The following GCNT1 variants were observed in gnomAD, a reference collection of about 807,000 sequenced individuals.
GCNT1 encodes glucosaminyl (N-acetyl) transferase 1, also known as beta-1,3-galactosyl-O-glycosyl-glycoprotein beta-1,6-N-acetylglucosaminyltransferase.
In GCNT1, 16 loss-of-function variants were observed where a neutral mutation model predicts 26.2. That is an observed-to-expected ratio of 0.61 (90% confidence interval 0.41 to 0.93). The LOEUF (loss-of-function observed/expected upper bound fraction) is 0.93, where lower values mean the gene tolerates loss of function less well. Among genes scored for constraint, GCNT1 ranks in the 40% least tolerant of loss-of-function variants. The probability of loss-of-function intolerance (pLI) is 0.00; values close to 1 mark genes in which losing one functional copy is unlikely to be tolerated. For missense variants in GCNT1, 477 were observed against 526.7 expected (o/e 0.91, Z 0.92); for synonymous variants, 183 against 190.8 (o/e 0.96, Z 0.34).
At position 76,506,714 on chromosome 9, in the gene GCNT1, C is replaced by G. The variant is rs766912748; in HGVS notation, c.*3046C>G. 6.0e-6 allele frequency: 1 copy of G among 166,966 alleles called. No homozygotes were observed. The highest frequency in any genetic ancestry group is 2.4e-5 in the African/African-American group (1 of 41,418). The allele number at this position is 166,966 out of a possible 1,614,324, so 10.3% of individuals were successfully genotyped here. A position where few individuals can be genotyped will look rare whatever the true frequency, so the allele number is the denominator to read the frequency against. On this transcript the variant is annotated 3_prime_UTR_variant, in exon 4 of 4. Coordinates refer to ENST00000376730, the MANE Select transcript of GCNT1 (RefSeq NM_001490.5). ...GCTCTTCCCAGATCTCAGTAAACAG[C>G]CACTCAGCCTTGAAAATGGAGTGTT...
At chr9:76,409,544 C>T in the GCNT1 span, among the ~76,000 whole-genome samples, 1 of 152,088 alleles carries the variant, frequency 6.6e-6, no homozygotes, top group Non-Finnish European at 1.5e-5. Context: ...CTCCTGGGTT[C>T]AAGTGATTCT....
the GCNT1 span, among the ~76,000 whole-genome samples, chr9:76,413,356 A>G: frequency 5.2e-4 from 79 of 152,218 alleles, no homozygotes; most frequent in Admixed American, 1.4e-3. Flanking sequence ...TTGTCAGGCT[A>G]AAGAAGTATC....
intron 2 of GCNT1, among the ~76,000 whole-genome samples, chr9:76,464,419 G>A (rs1823950071): frequency 6.6e-6 from 1 of 152,140 alleles, no homozygotes; most frequent in African/African-American, 2.4e-5. Context: ...GTTTTGCCAT[G>A]TTGCCCAGGC....
At chr9:76,405,711 G>A in the GCNT1 span, among the ~76,000 whole-genome samples, 7 of 152,118 alleles carry the variant, frequency 4.6e-5, no homozygotes, top group Admixed American at 4.6e-4. Flanking sequence ...ACGTCTTCAT[G>A]GCTTGATGGC....
At chr9:76,405,475 T>G in the GCNT1 span, among the ~76,000 whole-genome samples, 1 of 152,212 alleles carries the variant, frequency 6.6e-6, no homozygotes, top group Admixed American at 6.5e-5. Context: ...GAATACCGAC[T>G]TGTATCCACC....
chr9:76,395,565 C>T, the GCNT1 span, among the ~76,000 whole-genome samples: 2 of 151,004 alleles, frequency 1.3e-5, no homozygotes, highest in Non-Finnish European at 2.9e-5. Context: ...CCAGACTGGG[C>T]GACACAGTGA....
intron 2 of GCNT1, among the ~76,000 whole-genome samples, chr9:76,468,932 A>G (rs1564234667): frequency 6.6e-6 from 1 of 152,238 alleles, no homozygotes; most frequent in Non-Finnish European, 1.5e-5. Context: ...CAAAGGAAAA[A>G]AAATTAAAAA....
intron 1 of GCNT1, among the ~76,000 whole-genome samples, chr9:76,423,288 T>A (rs557666919): frequency 6.6e-6 from 1 of 152,180 alleles, no homozygotes; most frequent in South Asian, 2.1e-4. Context: ...TGGGGCCTAA[T>A]TGGAGGTGTT....
intron 2 of GCNT1, among the ~76,000 whole-genome samples, chr9:76,468,265 T>C (rs147012896): frequency 2.0e-3 from 300 of 152,304 alleles, no homozygotes; most frequent in African/African-American, 7.0e-3. Context: ...AGGGATTCCT[T>C]GCCTAGCTGG....
upstream of GCNT1, among the ~76,000 whole-genome samples, chr9:76,455,331 G>T (rs967131816): frequency 1.3e-5 from 2 of 152,138 alleles, no homozygotes; most frequent in African/African-American, 4.8e-5. Context: ...ATCAAGTAAG[G>T]TATTTGCCCA....
At chr9:76,409,593 G>A in the GCNT1 span, among the ~76,000 whole-genome samples, 1 of 151,858 alleles carries the variant, frequency 6.6e-6, no homozygotes, top group East Asian at 1.9e-4. Context: ...TTACAGGCGG[G>A]TGCCACCATG....
upstream of GCNT1, among the ~76,000 whole-genome samples, chr9:76,457,207 G>A (rs370432672): frequency 6.6e-6 from 1 of 152,098 alleles, no homozygotes; most frequent in Non-Finnish European, 1.5e-5. Flanking sequence ...AATTACAAGC[G>A]TGAGCCATTG....
At chr9:76,467,321 C>T (rs1013828753) in intron 2 of GCNT1, among the ~76,000 whole-genome samples, 19 of 152,184 alleles carry the variant, frequency 1.2e-4, no homozygotes, top group East Asian at 1.9e-4. Flanking sequence ...GGATTACAGG[C>T]GTGAGCCACC....
At chr9:76,428,124 C>G (rs7022144) in intron 1 of GCNT1, among the ~76,000 whole-genome samples, 51,112 of 150,908 alleles carry the variant, frequency 0.34, 9,200 homozygotes, top group Middle Eastern at 0.4. Context: ...AAATTAGCCG[C>G]GCGTGGTGGC....
At chr9:76,407,437 C>G in the GCNT1 span, among the ~76,000 whole-genome samples, 3 of 152,160 alleles carry the variant, frequency 2.0e-5, no homozygotes, top group African/African-American at 7.2e-5. Context: ...GGCTCTATAT[C>G]TGCCTCTCTG....
chr9:76,502,931 AGT>A lies in GCNT1; in HGVS notation c.554_555del (p.Val185GlyfsTer11), dbSNP rs1825123287. The A allele has an allele frequency of 1.9e-6, 3 of 1,612,944 alleles. No homozygotes were observed. Among genetic ancestry groups the A allele is most frequent in the Non-Finnish European group, 2.5e-6 (3 of 1,179,976 alleles). On this transcript the variant is annotated frameshift_variant, in exon 4 of 4. Transcript: ENST00000376730. LOFTEE classifies it high-confidence loss of function. ...SNVFVASRLE[S>X]VVYASWSRVQ... ...TGTCTTTGTGGCCAGCCGATTGGAG[AGT>A]GTGGTTTATGCATCGTGGAGCCGGG...
chr9:76,486,861 A>T (rs1318822910), intron 2 of GCNT1, among the ~76,000 whole-genome samples: 1 of 152,150 alleles, frequency 6.6e-6, no homozygotes, highest in African/African-American at 2.4e-5. Context: ...GGATCACTTG[A>T]GGTCAGGAGT....
At chr9:76,432,615 C>T (rs1823351762) in intron 1 of GCNT1, among the ~76,000 whole-genome samples, 1 of 152,186 alleles carries the variant, frequency 6.6e-6, no homozygotes, top group South Asian at 2.1e-4. Flanking sequence ...GCTGGGATTA[C>T]AGGCGTGCTC....
chr9:76,504,162 AT>A lies in GCNT1; in HGVS notation c.*499del, dbSNP rs199566462. 6.0e-4 allele frequency: 117 copies of A among 194,636 alleles called. No homozygotes were observed. The East Asian group carries it at 0.014, about 23-fold the overall frequency. The allele number at this position is 194,636 out of a possible 1,614,324, so 12.1% of individuals were successfully genotyped here. A position where few individuals can be genotyped will look rare whatever the true frequency, so the allele number is the denominator to read the frequency against. On this transcript the variant is annotated 3_prime_UTR_variant, in exon 4 of 4. Coordinates refer to ENST00000376730, the MANE Select transcript of GCNT1 (RefSeq NM_001490.5). The stretch of plus-strand genomic sequence containing the variant: ...TAGAAATTTGATTGTACTATAAATG[AT>A]TTTTGTAAATAATTTATATTCTGCT...
Sources: gnomAD v4.1 joint callset for allele counts (sites outside exome capture counted in the v4.1 genomes callset) on GRCh38, gnomAD v4.1.1 for gene constraint, MANE v1.5 for transcripts, NCBI Gene and HGNC (gene_info 2026-07-23, HGNC 2026-07-21) for gene names.